WASF2: variants seen among roughly 807,000 people sequenced by gnomAD.
The protein encoded by WASF2 is actin-binding protein WASF2.
A neutral mutation model predicts 45.0 loss-of-function variants in WASF2; 14 were observed. That is an observed-to-expected ratio of 0.31 (90% confidence interval 0.21 to 0.49). The LOEUF is 0.49. WASF2 is among the 20% of genes least tolerant of loss of function. The probability of loss-of-function intolerance (pLI) is 0.99; values close to 1 mark genes in which losing one functional copy is unlikely to be tolerated. For missense variants in WASF2, 439 were observed against 636.1 expected, an observed-to-expected ratio of 0.69 and a Z score of 3.33; for synonymous variants, 200 against 236.3, an observed-to-expected ratio of 0.85 and a Z score of 1.41.
chr1:27,465,586 C>A (rs879779189), intron 1 of WASF2, among the ~76,000 whole-genome samples: 3 of 152,164 alleles, frequency 2.0e-5, no homozygotes, highest in Non-Finnish European at 4.4e-5. Flanking sequence ...CCCCTGATGA[C>A]CCCTACAGTA....
intron 1 of WASF2, among the ~76,000 whole-genome samples, chr1:27,462,309 T>C (rs2017556919): frequency 6.6e-6 from 1 of 152,068 alleles, no homozygotes; most frequent in Non-Finnish European, 1.5e-5. Flanking sequence ...TGATAATAGG[T>C]TGTAGACATC....
chr1:27,441,560 TG>T (rs2017229603), intron 1 of WASF2, among the ~76,000 whole-genome samples: 1 of 151,902 alleles, frequency 6.6e-6, no homozygotes, highest in Non-Finnish European at 1.5e-5. Context: ...GAGACCATCC[TG>T]GCTAACATGG....
Position 27,414,800 on chromosome 1 carries a change from G to A in WASF2, c.668+33C>T. On this transcript the variant is annotated intron_variant, in intron 6 of 8. Transcript: ENST00000618852. This position sits in a 1 kb window ranked among gnomAD's most constrained non-coding sequence, Gnocchi z 4.1. Reference sequence around the variant, plus strand: ...GACTGTTGTCCCCAGCCCCTTCAAAGAATGCTACCAACAGTACAAAGGCAT... The same window carrying A: ...GACTGTTGTCCCCAGCCCCTTCAAAAAATGCTACCAACAGTACAAAGGCAT... 1.2e-6 allele frequency: 2 copies of A among 1,609,260 alleles called. No individual in the cohort carries two copies. Among genetic ancestry groups the A allele is most frequent in the Non-Finnish European group, 8.5e-7 (1 of 1,176,946 alleles).
intron 1 of WASF2, among the ~76,000 whole-genome samples, chr1:27,443,065 G>A (rs970172693): frequency 1.3e-5 from 2 of 151,116 alleles, no homozygotes; most frequent in South Asian, 2.1e-4. Context: ...TCTAGAGGCC[G>A]AGATGGGGGG....
intron 1 of WASF2, among the ~76,000 whole-genome samples, chr1:27,467,739 T>C (rs993300758): frequency 2.6e-4 from 39 of 151,660 alleles, no homozygotes; most frequent in African/African-American, 8.9e-4. Flanking sequence ...GGTGAGACTC[T>C]ATCTCTACTA....
intron 1 of WASF2, among the ~76,000 whole-genome samples, chr1:27,477,391 T>C (rs1301039203): frequency 6.6e-6 from 1 of 151,850 alleles, no homozygotes; most frequent in Non-Finnish European, 1.5e-5. Context: ...AATACAAAAA[T>C]TAGCTGGGCG....
chr1:27,477,251 T>C (rs969601535), intron 1 of WASF2, among the ~76,000 whole-genome samples: 2 of 152,176 alleles, frequency 1.3e-5, no homozygotes, highest in Admixed American at 1.3e-4. Flanking sequence ...TTTAAATGTC[T>C]TTTTAAGGCC....
In WASF2 at chr1:27,410,810, G is replaced by A. The variant is rs1031700677; in HGVS notation, c.825-604C>T. 6.6e-6 allele frequency among the ~76,000 whole-genome samples: 1 copy of A among 152,180 alleles called. No individual in the cohort carries two copies. The highest frequency in any genetic ancestry group is 6.5e-5 in the Admixed American group (1 of 15,280). On this transcript the variant is annotated intron_variant, in intron 7 of 8. Coordinates refer to ENST00000618852, the MANE Select transcript of WASF2 (RefSeq NM_006990.5). The surrounding 1 kb of genome is among the most constrained non-coding windows in gnomAD (Gnocchi z 4.2). ...CTTGAGAGAGAATGAATCTCAATCC[G>A]AGAATCTGCAGAGATGGGAAATGAA...
intron 1 of WASF2, among the ~76,000 whole-genome samples, chr1:27,451,548 T>A (rs1288614314): frequency 6.6e-6 from 1 of 152,110 alleles, no homozygotes; most frequent in Non-Finnish European, 1.5e-5. Flanking sequence ...TAGGGAGCTA[T>A]TTAAGATTGA....
intron 4 of WASF2, among the ~76,000 whole-genome samples, chr1:27,417,706 A>G (rs1248417087): frequency 6.6e-6 from 1 of 152,232 alleles, no homozygotes; most frequent in Non-Finnish European, 1.5e-5. Context: ...GTAGGTCCTT[A>G]CAGAAGGAAA....
chr1:27,454,336 G>A (rs994991878), intron 1 of WASF2, among the ~76,000 whole-genome samples: 3 of 150,230 alleles, frequency 2.0e-5, no homozygotes, highest in Admixed American at 6.7e-5. Flanking sequence ...GACCACAAGC[G>A]TGTGCCACCA....
At chr1:27,443,833 CA>C (rs1243381489) in intron 1 of WASF2, among the ~76,000 whole-genome samples, 25 of 151,968 alleles carry the variant, frequency 1.6e-4, no homozygotes, top group African/African-American at 3.4e-4. Flanking sequence ...GGCTGGAGTG[CA>C]GGGGGGGGTG....
chr1:27,420,364 C>T (rs1001722429), intron 2 of WASF2, among the ~76,000 whole-genome samples: 3 of 152,096 alleles, frequency 2.0e-5, no homozygotes, highest in African/African-American at 7.2e-5. Context: ...AAGAAAAGTT[C>T]CGTACTTTCA....
Position 27,410,868 on chromosome 1 carries a change from G to A in WASF2, c.825-662C>T, listed in dbSNP as rs947842107. Among the ~76,000 whole-genome samples, 4 of 152,208 alleles carry A rather than the reference G, an allele frequency of 2.6e-5. No homozygotes were observed. The highest frequency in any genetic ancestry group is 7.2e-5 in the African/African-American group (3 of 41,442). On this transcript the variant is annotated intron_variant, in intron 7 of 8. Coordinates refer to ENST00000618852, the MANE Select transcript of WASF2 (RefSeq NM_006990.5). This position sits in a 1 kb window ranked among gnomAD's most constrained non-coding sequence, Gnocchi z 4.2. The stretch of plus-strand genomic sequence containing the variant: ...CCAGACTCCTGACCCAGGCCTGAAA[G>A]AGGATTAAAGCTACACCTCTCCTGG...
intron 1 of WASF2, among the ~76,000 whole-genome samples, chr1:27,456,898 C>T (rs114866072): frequency 0.017 from 2,540 of 152,060 alleles, 68 homozygotes; most frequent in African/African-American, 0.057. Context: ...CGCCGCCACG[C>T]CCGGCAATTT....
intron 7 of WASF2, among the ~76,000 whole-genome samples, chr1:27,411,654 G>C (rs960567893): frequency 6.6e-6 from 1 of 152,276 alleles, no homozygotes; most frequent in East Asian, 1.9e-4. Flanking sequence ...ATGAGGTCAG[G>C]AGATCGAGAC....
intron 1 of WASF2, among the ~76,000 whole-genome samples, chr1:27,445,240 AT>A (rs2017295970): frequency 6.6e-6 from 1 of 152,086 alleles, no homozygotes; most frequent in African/African-American, 2.4e-5. Context: ...TAGTCCTCCA[AT>A]TTTCCAAGGT....
chr1:27,419,701 G>GGGA (rs2016879714), intron 2 of WASF2, among the ~76,000 whole-genome samples: 1 of 152,164 alleles, frequency 6.6e-6, no homozygotes, highest in African/African-American at 2.4e-5. Context: ...AAAACAGATT[G>GGGA]GGAGTTCAGA....
At chr1:27,469,548 T>C (rs534512116) in intron 1 of WASF2, among the ~76,000 whole-genome samples, 5 of 152,264 alleles carry the variant, frequency 3.3e-5, no homozygotes, top group Admixed American at 1.3e-4. Flanking sequence ...GGCGCTAACA[T>C]TGTAGAAGAT....
Sources: gnomAD v4.1 joint callset for allele counts (sites outside exome capture counted in the v4.1 genomes callset) on GRCh38, gnomAD v4.1.1 for gene constraint, Gnocchi (gnomAD v3.1) non-coding constraint, MANE v1.5 for transcripts, NCBI Gene and HGNC (gene_info 2026-07-23, HGNC 2026-07-21) for gene names.